KLF8: variants seen among roughly 807,000 people sequenced by gnomAD.
The protein encoded by KLF8 is Krueppel-like factor 8.
A neutral mutation model predicts 18.2 loss-of-function variants in KLF8; 10 were observed. The ratio of observed to expected loss-of-function variants is 0.55; its 90% CI spans 0.34 to 0.93. The LOEUF (loss-of-function observed/expected upper bound fraction) is 0.93, where lower values mean the gene tolerates loss of function less well. Ranked by LOEUF, KLF8 falls within the 40% of genes least tolerant of loss-of-function variation. The pLI is 0.02. For missense variants in KLF8, 264 were observed against 277.9 expected (o/e 0.95, Z 0.36); for synonymous variants, 109 against 97.3 (o/e 1.12, Z -0.71).
the KLF8 span, among the ~76,000 whole-genome samples, chrX:56,043,015 A>T: frequency 8.9e-6 from 1 of 111,819 alleles, no homozygotes. Flanking sequence ...GCCTGGTGTT[A>T]ATGAACTTCC....
At chrX:56,115,052 A>G in the KLF8 span, among the ~76,000 whole-genome samples, 1 of 111,895 alleles carries the variant, frequency 8.9e-6, no homozygotes, top group Non-Finnish European at 1.9e-5. Context: ...TGTATACTAC[A>G]TATGGGAGGA....
At chrX:56,150,692 G>A in the KLF8 span, among the ~76,000 whole-genome samples, 6 of 110,063 alleles carry the variant, frequency 5.5e-5, no homozygotes, top group African/African-American at 2.0e-4. Flanking sequence ...TCCTATCCCT[G>A]GGCTACTCTC....
the KLF8 span, among the ~76,000 whole-genome samples, chrX:55,947,780 A>G: frequency 8.0e-5 from 9 of 111,883 alleles, no homozygotes; most frequent in Non-Finnish European, 1.7e-4. Flanking sequence ...TAAATGCTTT[A>G]TATTATAATG....
the KLF8 span, among the ~76,000 whole-genome samples, chrX:56,133,004 G>A: frequency 9.0e-6 from 1 of 111,155 alleles, no homozygotes; most frequent in Admixed American, 9.6e-5. Context: ...AACAAGCAGT[G>A]AGATTGAAAT....
chrX:56,040,161 T>C, the KLF8 span, among the ~76,000 whole-genome samples: 1 of 111,551 alleles, frequency 9.0e-6, no homozygotes, highest in Non-Finnish European at 1.9e-5. Flanking sequence ...CAGGATCATG[T>C]CATCTGCAAA....
the KLF8 span, among the ~76,000 whole-genome samples, chrX:56,061,538 A>T: frequency 2.7e-5 from 3 of 111,742 alleles, no homozygotes; most frequent in South Asian, 7.4e-4. Context: ...GCTGTTTGTC[A>T]TGATTTCCAT....
the KLF8 span, among the ~76,000 whole-genome samples, chrX:56,177,201 T>G: frequency 1.8e-5 from 2 of 111,667 alleles, no homozygotes; most frequent in Non-Finnish European, 3.8e-5. Context: ...TGTCCAGTTT[T>G]TCTGCTCTGT....
the KLF8 span, among the ~76,000 whole-genome samples, chrX:55,969,653 T>A: frequency 9.0e-6 from 1 of 110,826 alleles, no homozygotes. Context: ...AAACAAAAAG[T>A]TGTGGTTTTT....
chrX:56,158,994 G>T, the KLF8 span, among the ~76,000 whole-genome samples: 11 of 111,623 alleles, frequency 9.9e-5, no homozygotes, highest in Non-Finnish European at 1.7e-4. Flanking sequence ...TCCTGTTTTT[G>T]CCCATTCAGT....
the KLF8 span, among the ~76,000 whole-genome samples, chrX:56,054,702 TCTCA>T: frequency 8.9e-6 from 1 of 111,773 alleles, no homozygotes; most frequent in Non-Finnish European, 1.9e-5. Flanking sequence ...AGTCTCCCAC[TCTCA>T]CTGTGTGTGA....
the KLF8 span, among the ~76,000 whole-genome samples, chrX:56,191,375 G>A: frequency 2.7e-5 from 3 of 111,554 alleles, no homozygotes; most frequent in African/African-American, 9.7e-5. Context: ...AATTTTATCA[G>A]ACATTTAAAG....
chrX:55,983,331 C>T, the KLF8 span, among the ~76,000 whole-genome samples: 21 of 111,063 alleles, frequency 1.9e-4, no homozygotes, highest in African/African-American at 6.2e-4. Flanking sequence ...CTAAATAAAG[C>T]TGATTATAAA....
chrX:56,263,998 A>T (rs188841525), intron 2 of KLF8, among the ~76,000 whole-genome samples: 2 of 112,015 alleles, frequency 1.8e-5, no homozygotes. Context: ...TATATAAAGG[A>T]TGTATTCCTT....
the KLF8 span, among the ~76,000 whole-genome samples, chrX:56,169,793 C>A: frequency 8.9e-6 from 1 of 111,987 alleles, no homozygotes; most frequent in African/African-American, 3.2e-5. Context: ...GACACAAGCA[C>A]GGCTGGTTTT....
the KLF8 span, among the ~76,000 whole-genome samples, chrX:56,193,647 G>T: frequency 1.8e-5 from 2 of 112,039 alleles, no homozygotes; most frequent in African/African-American, 6.5e-5. Flanking sequence ...AAAAAAGATT[G>T]AAATTCTGTC....
At chrX:56,050,839 C>G in the KLF8 span, among the ~76,000 whole-genome samples, 36 of 109,849 alleles carry the variant, frequency 3.3e-4, no homozygotes, top group African/African-American at 1.2e-3. Flanking sequence ...CTTTCTGTCT[C>G]ATTGATCTGT....
the KLF8 span, among the ~76,000 whole-genome samples, chrX:56,094,020 G>T: frequency 9.3e-6 from 1 of 106,959 alleles, no homozygotes; most frequent in Non-Finnish European, 1.9e-5. Context: ...GAAACAAGAA[G>T]GTAGAAAATG....
At chrX:55,921,668 G>A in the KLF8 span, among the ~76,000 whole-genome samples, 1 of 111,945 alleles carries the variant, frequency 8.9e-6, no homozygotes, top group South Asian at 3.7e-4. Context: ...ACTCTCATCA[G>A]AGTGAAGAGA....
chrX:56,227,914 C>T (rs2066379982), upstream of KLF8, among the ~76,000 whole-genome samples: 2 of 108,589 alleles, frequency 1.8e-5, no homozygotes, highest in African/African-American at 6.8e-5. Context: ...CACACACACA[C>T]ACACCTAGTC....
Sources: allele counts gnomAD v4.1 joint callset (sites outside exome capture counted in the v4.1 genomes callset), GRCh38; gene constraint gnomAD v4.1.1; transcripts MANE v1.5; gene names NCBI Gene and HGNC (gene_info 2026-07-23, HGNC 2026-07-21).